SKI: variants seen among roughly 807,000 people sequenced by gnomAD.
The protein encoded by SKI is ski oncogene.
Under a neutral mutation model 59.3 loss-of-function variants are expected in SKI, and 23 were observed. That is an observed-to-expected ratio of 0.39 (90% confidence interval 0.28 to 0.55). The LOEUF is 0.55. SKI is among the 20% of genes least tolerant of loss of function. The pLI is 0.67. For missense variants in SKI, 1,017 were observed against 1,038.9 expected, an observed-to-expected ratio of 0.98 and a Z score of 0.29; for synonymous variants, 673 against 488.6, an observed-to-expected ratio of 1.38 and a Z score of -4.98.
chr1:2,288,112 C>A lies in SKI; in HGVS notation c.970-14866C>A, dbSNP rs573483313. The stretch of plus-strand genomic sequence containing the variant: ...CAAGTGATTCTCCTGCCTCAGCCTC[C>A]CAAGTAGCTGGGATCACAGGCGTGT... On this transcript the variant is annotated intron_variant, in intron 1 of 6. Coordinates refer to ENST00000378536, the MANE Select transcript of SKI (RefSeq NM_003036.4). 3.9e-5 allele frequency among the ~76,000 whole-genome samples: 6 copies of A among 152,318 alleles called. 1 individual carries two copies. The East Asian group carries it at 9.6e-4, about 24-fold the overall frequency.
At chr1:2,254,048 G>C (rs888325328) in intron 1 of SKI, among the ~76,000 whole-genome samples, 2 of 152,248 alleles carry the variant, frequency 1.3e-5, no homozygotes, top group African/African-American at 4.8e-5. Context: ...TGCTTGTCCG[G>C]AGCTGCCTCA....
intron 1 of SKI, among the ~76,000 whole-genome samples, chr1:2,285,236 G>C (rs1490443016): frequency 6.6e-6 from 1 of 152,128 alleles, no homozygotes. Flanking sequence ...TTCCAGGCCG[G>C]TCGCAGTGGC....
chr1:2,239,229 GT>G (rs1346429371), intron 1 of SKI, among the ~76,000 whole-genome samples: 7 of 151,958 alleles, frequency 4.6e-5, no homozygotes, highest in South Asian at 4.2e-4. Flanking sequence ...AATTTGCTAA[GT>G]TTTTTTTTGC....
rs868590374 is a variant in SKI at position 2,267,261 on chromosome 1, C to T, written c.970-35717C>T. ...CACAGGCGACGATAGCAGTTGTGGG[C>T]CAGCCGTCAGGAAAGGGGGGACTAG... On this transcript the variant is annotated intron_variant, in intron 1 of 6. Transcript: ENST00000378536. This position sits in a 1 kb window ranked among gnomAD's most constrained non-coding sequence, Gnocchi z 4.1. Among the ~76,000 whole-genome samples, 1 of 152,118 alleles carries T rather than the reference C, an allele frequency of 6.6e-6. No homozygotes were observed. Among genetic ancestry groups the T allele is most frequent in the Non-Finnish European group, 1.5e-5 (1 of 68,034 alleles).
intron 1 of SKI, among the ~76,000 whole-genome samples, chr1:2,242,067 G>A (rs1638891861): frequency 6.6e-6 from 1 of 152,180 alleles, no homozygotes; most frequent in African/African-American, 2.4e-5. Flanking sequence ...ATATCTTGTT[G>A]GGAGGCAGCA....
At position 2,229,672 on chromosome 1, in the gene SKI, C is replaced by T. The variant is rs772758586; in HGVS notation, c.906C>T (p.Arg302=). The change falls in exon 1 of 7, where the codon CGC becomes CGT. Residue 302 remains arginine (R), a synonymous_variant. Transcript: ENST00000378536. This position sits in a 1 kb window ranked among gnomAD's most constrained non-coding sequence, Gnocchi z 6.3. ...AGGAGGAGCAGGCGCGCCTCGGCCG[C>T]TGCCTGGACGACGTGAAGGAGAAAT... ...TGKEEQARLG[R]CLDDVKEKFD... 5.2e-5 allele frequency: 83 copies of T among 1,608,602 alleles called. No homozygotes were observed. Among genetic ancestry groups the T allele is most frequent in the Non-Finnish European group, 6.6e-5 (78 of 1,178,162 alleles).
chr1:2,246,477 G>A (rs971006689), intron 1 of SKI, among the ~76,000 whole-genome samples: 1 of 152,090 alleles, frequency 6.6e-6, no homozygotes, highest in South Asian at 2.1e-4. Flanking sequence ...CACCGTGGTC[G>A]GATCCTGCCT....
In SKI at chr1:2,303,954, C is replaced by G. The variant is rs560542300; in HGVS notation, c.1326C>G (p.Ala442=). 3.1e-6 allele frequency: 5 copies of G among 1,612,062 alleles called. No homozygotes were observed. The highest frequency in any genetic ancestry group is 1.3e-5 in the African/African-American group (1 of 75,046). Residue 442 remains alanine, a synonymous_variant, in exon 4 of 7, where the codon GCC becomes GCG. Transcript: ENST00000378536. This position sits in a 1 kb window ranked among gnomAD's most constrained non-coding sequence, Gnocchi z 5.6. ...CGTGTGCCGCCGCCGTCTCCCGGGC[C>G]CCCGAGCCTCTCGCCACTTGCACCC... ...SPPCAAAVSR[A]PEPLATCTQP...
rs1224518691 is a variant in SKI at position 2,303,260 on chromosome 1, C to CA, written c.1096-24dup. On this transcript the variant is annotated intron_variant, in intron 2 of 6. Transcript: ENST00000378536. The surrounding 1 kb of genome is among the most constrained non-coding windows in gnomAD (Gnocchi z 5.6). ...GTGGCTTGTTTTTCTCCTGGTCACT[C>CA]ACACAGACAACTCTTTCTCGACAGA... 2 of 1,609,934 alleles carry CA rather than the reference C, an allele frequency of 1.2e-6. No individual in the cohort carries two copies. Among genetic ancestry groups the CA allele is most frequent in the Admixed American group, 1.7e-5 (1 of 60,028 alleles).
At chr1:2,304,264 C>T (rs968533932) in intron 4 of SKI, 29 bp from the exon 5 acceptor site, 3 of 1,551,708 alleles carry the variant, frequency 1.9e-6, no homozygotes, top group Non-Finnish European at 2.6e-6. Flanking sequence ...ACTTCCATGA[C>T]TTTGTTTCTG....
chr1:2,289,503 G>T (rs1268824399), intron 1 of SKI, among the ~76,000 whole-genome samples: 3 of 143,484 alleles, frequency 2.1e-5, no homozygotes, highest in East Asian at 2.1e-4. Flanking sequence ...TCGTGGGGGT[G>T]GGGGGGTGCA....
At chr1:2,239,191 G>T (rs747744852) in intron 1 of SKI, among the ~76,000 whole-genome samples, 6 of 152,242 alleles carry the variant, frequency 3.9e-5, no homozygotes, top group Non-Finnish European at 8.8e-5. Context: ...GAAGTGCCTT[G>T]CCTTAATTAC....
At chr1:2,295,942 G>A (rs1356072819) in intron 1 of SKI, among the ~76,000 whole-genome samples, 6 of 152,238 alleles carry the variant, frequency 3.9e-5, no homozygotes, top group African/African-American at 1.4e-4. Flanking sequence ...CGTGTACGCC[G>A]AGGACTGGAA....
intron 1 of SKI, among the ~76,000 whole-genome samples, chr1:2,299,251 GGA>G (rs1378662397): frequency 1.3e-5 from 1 of 77,408 alleles, no homozygotes; most frequent in Non-Finnish European, 2.2e-5. Flanking sequence ...CCTGCCTCGG[GGA>G]GGGGGGGGGC....
intron 1 of SKI, among the ~76,000 whole-genome samples, chr1:2,238,000 C>T (rs1340526237): frequency 6.6e-6 from 1 of 152,204 alleles, no homozygotes; most frequent in South Asian, 2.1e-4. Flanking sequence ...GGTGCCCTCC[C>T]GCCTGGTGCT....
intron 6 of SKI, 124 bp downstream of exon 6, chr1:2,306,374 G>C (rs528751754): frequency 1.1e-5 from 12 of 1,063,246 alleles, no homozygotes; most frequent in Non-Finnish European, 1.6e-5. Flanking sequence ...ACCACGTTCC[G>C]TGCGTGCCCC....
chr1:2,305,303 C>T (rs1479006143), intron 5 of SKI, among the ~76,000 whole-genome samples: 9 of 152,188 alleles, frequency 5.9e-5, no homozygotes, highest in South Asian at 2.1e-4. Flanking sequence ...GGTGTGCAGG[C>T]GGCCCGTTGT....
chr1:2,230,492 G>T (rs989774248), intron 1 of SKI, among the ~76,000 whole-genome samples: 5 of 152,212 alleles, frequency 3.3e-5, no homozygotes, highest in Non-Finnish European at 2.9e-5. Context: ...GCGTGCTGGA[G>T]TTACTGGCGG....
At chr1:2,280,634 C>T (rs770012972) in intron 1 of SKI, among the ~76,000 whole-genome samples, 35 of 117,060 alleles carry the variant, frequency 3.0e-4, no homozygotes, top group Middle Eastern at 5.8e-3. Context: ...GCGGCGGCGG[C>T]GATCTTCAGA....
Sources: allele counts gnomAD v4.1 joint callset (sites outside exome capture counted in the v4.1 genomes callset), GRCh38; gene constraint gnomAD v4.1.1; non-coding constraint Gnocchi (gnomAD v3.1); transcripts MANE v1.5; gene names NCBI Gene and HGNC (gene_info 2026-07-23, HGNC 2026-07-21).